ZNRF1: variants seen among roughly 807,000 people sequenced by gnomAD.
ZNRF1 encodes E3 ubiquitin-protein ligase ZNRF1.
A neutral mutation model predicts 18.4 loss-of-function variants in ZNRF1; 3 were observed. The ratio of observed to expected loss-of-function variants is 0.16; its 90% confidence interval spans 0.07 to 0.42. The LOEUF (loss-of-function observed/expected upper bound fraction) is 0.42, where lower values mean the gene tolerates loss of function less well. Among genes scored for constraint, ZNRF1 ranks in the 10% least tolerant of loss-of-function variants. ZNRF1 has a pLI of 0.99. For synonymous variants in ZNRF1, 157 were observed against 144.2 expected, an observed-to-expected ratio of 1.09 and a Z score of -0.64; for missense variants, 310 against 329.8, an observed-to-expected ratio of 0.94 and a Z score of 0.47.
intron 1 of ZNRF1, among the ~76,000 whole-genome samples, chr16:75,072,304 T>C (rs577789895): frequency 1.3e-5 from 2 of 152,132 alleles, no homozygotes; most frequent in Non-Finnish European, 2.9e-5. Flanking sequence ...TAAGCTTTCC[T>C]TCTTAAAAGA....
intron 2 of ZNRF1, among the ~76,000 whole-genome samples, chr16:75,095,393 G>T (rs144659452): frequency 9.9e-5 from 15 of 151,996 alleles, no homozygotes; most frequent in Non-Finnish European, 1.9e-4. Context: ...CTGTCAGGAC[G>T]CTCAGGCTCA....
chr16:75,058,792 G>A (rs1408823587), intron 1 of ZNRF1, among the ~76,000 whole-genome samples: 1 of 152,168 alleles, frequency 6.6e-6, no homozygotes, highest in Non-Finnish European at 1.5e-5. Context: ...CCACATCCTC[G>A]TGGTTCCTTT....
intron 1 of ZNRF1, among the ~76,000 whole-genome samples, chr16:75,045,221 G>A (rs1219307360): frequency 2.0e-5 from 3 of 152,134 alleles, no homozygotes; most frequent in Admixed American, 6.5e-5. Context: ...CCCATGCCAG[G>A]ACCAGAATAA....
rs77567300 is a variant in ZNRF1, at chr16:75,039,493, C to G, written c.424+39398C>G. Among the ~76,000 whole-genome samples, 66 of 152,272 alleles carry G rather than the reference C, an allele frequency of 4.3e-4. 1 individual carries two copies. In the South Asian group the frequency reaches 5.0e-3, roughly 11 times the overall value. On this transcript the variant is annotated intron_variant, in intron 1 of 4. Coordinates refer to ENST00000335325, the MANE Select transcript of ZNRF1 (RefSeq NM_032268.5). ...AAAAATCCTTGGAGTTAATGGTATA[C>G]GAGAGTGTTGTAGCTCATGGAGTAC...
chr16:75,049,393 C>A (rs969371631), intron 1 of ZNRF1, among the ~76,000 whole-genome samples: 2 of 151,982 alleles, frequency 1.3e-5, no homozygotes, highest in African/African-American at 4.8e-5. Flanking sequence ...GTAGCACGAT[C>A]ATAGCTTACT....
chr16:75,017,548 C>G (rs994637728), intron 1 of ZNRF1, among the ~76,000 whole-genome samples: 33 of 152,268 alleles, frequency 2.2e-4, no homozygotes, highest in Non-Finnish European at 2.4e-4. Context: ...TTAATAAATA[C>G]AACTTTTCAA....
intron 1 of ZNRF1, among the ~76,000 whole-genome samples, chr16:75,003,501 A>G (rs1026806998): frequency 1.3e-5 from 2 of 152,078 alleles, no homozygotes; most frequent in African/African-American, 4.8e-5. Flanking sequence ...TCCCACCCCC[A>G]TTGTGCAGGT....
intron 1 of ZNRF1, among the ~76,000 whole-genome samples, chr16:75,073,751 G>GA (rs2035903636): frequency 6.6e-6 from 1 of 152,020 alleles, no homozygotes; most frequent in African/African-American, 2.4e-5. Context: ...CCGTTCCCCT[G>GA]GGGATCATCT....
At chr16:75,030,909 C>T (rs547533937) in intron 1 of ZNRF1, among the ~76,000 whole-genome samples, 3 of 125,638 alleles carry the variant, frequency 2.4e-5, no homozygotes, top group African/African-American at 3.1e-5. Flanking sequence ...GGCGTGATTT[C>T]GGTTCACTGC....
chr16:75,081,648 C>T (rs909206904), intron 1 of ZNRF1, among the ~76,000 whole-genome samples: 1 of 152,120 alleles, frequency 6.6e-6, no homozygotes. Flanking sequence ...GCGGTGGAAA[C>T]AGAGGTGGAG....
At chr16:75,065,855 C>G (rs1351489773) in intron 1 of ZNRF1, among the ~76,000 whole-genome samples, 1 of 152,162 alleles carries the variant, frequency 6.6e-6, no homozygotes, top group East Asian at 1.9e-4. Flanking sequence ...TTAGCCAGAT[C>G]ACGATTAACC....
At chr16:75,064,553 C>G (rs2035779751) in intron 1 of ZNRF1, among the ~76,000 whole-genome samples, 1 of 147,796 alleles carries the variant, frequency 6.8e-6, no homozygotes, top group Admixed American at 6.8e-5. Context: ...GAGACTCAGT[C>G]TCCGAGGGAA....
intron 1 of ZNRF1, among the ~76,000 whole-genome samples, chr16:75,033,650 T>G (rs1253366444): frequency 1.3e-5 from 2 of 152,128 alleles, no homozygotes; most frequent in Non-Finnish European, 2.9e-5. Flanking sequence ...TTGGCCAGGC[T>G]CATCTTGAAC....
intron 1 of ZNRF1, among the ~76,000 whole-genome samples, chr16:75,023,606 C>A (rs1162783175): frequency 6.6e-6 from 1 of 152,042 alleles, no homozygotes. Flanking sequence ...ATCTCTTGAA[C>A]CCGGGAGGTG....
At chr16:75,014,123 G>T (rs78848616) in intron 1 of ZNRF1, among the ~76,000 whole-genome samples, 9,850 of 152,174 alleles carry the variant, frequency 0.065, 370 homozygotes, top group East Asian at 0.16. Flanking sequence ...GAGCTGCCGC[G>T]CCTAGCCTGG....
intron 2 of ZNRF1, among the ~76,000 whole-genome samples, chr16:75,096,890 G>C (rs2036206318): frequency 6.6e-6 from 1 of 152,122 alleles, no homozygotes; most frequent in Non-Finnish European, 1.5e-5. Flanking sequence ...TAGTTTAACT[G>C]GTTCAGCTAG....
chr16:75,029,899 G>GA (rs1488783879), intron 1 of ZNRF1, among the ~76,000 whole-genome samples: 14 of 150,832 alleles, frequency 9.3e-5, no homozygotes, highest in Middle Eastern at 6.8e-3. Context: ...GCCAGGTGAA[G>GA]AAAAAAAAAT....
At chr16:75,016,764 C>A (rs1405132131) in intron 1 of ZNRF1, among the ~76,000 whole-genome samples, 1 of 131,838 alleles carries the variant, frequency 7.6e-6, no homozygotes, top group Admixed American at 8.4e-5. Flanking sequence ...AGGCTGGTCT[C>A]GAACTCCTGA....
chr16:75,052,219 T>G (rs1173295000), intron 1 of ZNRF1, among the ~76,000 whole-genome samples: 1 of 151,956 alleles, frequency 6.6e-6, no homozygotes, highest in Non-Finnish European at 1.5e-5. Context: ...GGCAACATGG[T>G]GAAACCCCAT....
Sources: gnomAD v4.1 joint callset for allele counts (sites outside exome capture counted in the v4.1 genomes callset) on GRCh38, gnomAD v4.1.1 for gene constraint, MANE v1.5 for transcripts, NCBI Gene and HGNC (gene_info 2026-07-23, HGNC 2026-07-21) for gene names.